NPAS2: variants seen among roughly 807,000 people sequenced by gnomAD.
NPAS2 encodes the protein neuronal PAS domain protein 2.
NPAS2 carries 23 observed loss-of-function variants against 107.5 expected under a neutral mutation model. The observed-to-expected ratio is 0.21, with a 90% CI of 0.15 to 0.30. The LOEUF (loss-of-function observed/expected upper bound fraction) is 0.30. Ranked by LOEUF, NPAS2 falls within the 10% of genes least tolerant of loss-of-function variation. NPAS2 has a pLI of 1.00. For missense variants in NPAS2, 756 were observed against 1,043.3 expected (o/e 0.72, Z 3.79); for synonymous variants, 403 against 417.5 (o/e 0.97, Z 0.42).
intron 2 of NPAS2, among the ~76,000 whole-genome samples, chr2:100,909,556 G>T (rs537316191): frequency 6.6e-6 from 1 of 152,324 alleles, no homozygotes; most frequent in South Asian, 2.1e-4. Flanking sequence ...CAGGCACAGT[G>T]CAGTGAGAAC....
chr2:100,852,637 C>T (rs1230090774), intron 1 of NPAS2, among the ~76,000 whole-genome samples: 1 of 152,096 alleles, frequency 6.6e-6, no homozygotes, highest in Non-Finnish European at 1.5e-5. Flanking sequence ...AATGAGACCA[C>T]TTGTGATGGA....
chr2:100,945,885 A>G (rs1674862730), intron 5 of NPAS2, among the ~76,000 whole-genome samples: 1 of 151,994 alleles, frequency 6.6e-6, no homozygotes, highest in Non-Finnish European at 1.5e-5. Context: ...TTCTCCGGGC[A>G]CCTTGTTTTA....
At position 100,827,042 on chromosome 2, in the gene NPAS2, G is replaced by A. The variant is rs146504324; in HGVS notation, c.-23+6628G>A. Among the ~76,000 whole-genome samples, 62 of 152,230 alleles carry A rather than the reference G, an allele frequency of 4.1e-4. 1 individual carries two copies. The East Asian group carries it at 8.7e-3, about 21-fold the overall frequency. ...GAGTGTATCGATGGTACATGAAGACGCAAAGGGAAATATTTGAAATAGAGG... is the reference window on the plus strand; with the variant it reads ...GAGTGTATCGATGGTACATGAAGACACAAAGGGAAATATTTGAAATAGAGG... On this transcript the variant is annotated intron_variant, in intron 1 of 20. Transcript: ENST00000335681.
intron 5 of NPAS2, among the ~76,000 whole-genome samples, chr2:100,940,651 C>T (rs2104995562): frequency 6.6e-6 from 1 of 152,300 alleles, no homozygotes; most frequent in South Asian, 2.1e-4. Flanking sequence ...CTATGAAGTA[C>T]ATAGTTACCC....
At chr2:100,843,799 TG>T (rs1253676621) in intron 1 of NPAS2, among the ~76,000 whole-genome samples, 1 of 152,160 alleles carries the variant, frequency 6.6e-6, no homozygotes, top group Non-Finnish European at 1.5e-5. Flanking sequence ...GAAAGGACTC[TG>T]GCATGAAGGA....
intron 2 of NPAS2, among the ~76,000 whole-genome samples, chr2:100,912,248 AT>A (rs756141975): frequency 0.14 from 16,758 of 117,962 alleles, 1,765 homozygotes; most frequent in Admixed American, 0.37. Context: ...TTATTTATTT[AT>A]TTATTTATTA....
chr2:100,960,256 T>C (rs1675839945), intron 7 of NPAS2, among the ~76,000 whole-genome samples: 4 of 152,014 alleles, frequency 2.6e-5, no homozygotes. Flanking sequence ...ACTGTTTTAA[T>C]AGAAAGACCA....
intron 1 of NPAS2, among the ~76,000 whole-genome samples, chr2:100,856,249 G>A (rs141531158): frequency 1.3e-5 from 2 of 152,342 alleles, no homozygotes; most frequent in African/African-American, 2.4e-5. Flanking sequence ...TAAGTGTCAC[G>A]TGTTTAATTC....
At position 100,995,320 on chromosome 2, in the gene NPAS2, A is replaced by G. The variant is rs1282092429; in HGVS notation, c.2293-80A>G. 5.4e-6 allele frequency: 7 copies of G among 1,291,592 alleles called. No individual in the cohort carries two copies. In the Admixed American group the frequency reaches 1.1e-4, roughly 19 times the overall value. The allele number at this position is 1,291,592 out of a possible 1,614,324, so 80.0% of individuals were successfully genotyped here. On this transcript the variant is annotated intron_variant, in intron 20 of 20. Transcript: ENST00000335681. ...CCTGTAGTCTAACTCAACCTGCAGC[A>G]TGCCCCGCACTGCCTTGTAAGACAG...
intron 4 of NPAS2, 39 bp from the exon 5 acceptor site, chr2:100,937,712 ACG>A: frequency 7.2e-7 from 1 of 1,397,408 alleles, no homozygotes; most frequent in East Asian, 2.3e-5. Flanking sequence ...TCCTCCATAA[ACG>A]CATTGCTAAG....
At chr2:100,962,362 G>C (rs567326815) in intron 7 of NPAS2, among the ~76,000 whole-genome samples, 1 of 152,286 alleles carries the variant, frequency 6.6e-6, no homozygotes, top group East Asian at 1.9e-4. Context: ...AAATCTTGCA[G>C]ATTTCATTTT....
chr2:100,844,997 C>T (rs971304626), intron 1 of NPAS2, among the ~76,000 whole-genome samples: 6 of 152,130 alleles, frequency 3.9e-5, no homozygotes, highest in Non-Finnish European at 7.4e-5. Flanking sequence ...TTGTGTTTGG[C>T]AGAGACTTAG....
Position 100,933,115 on chromosome 2 carries a change from G to C in NPAS2, c.273+114G>C, listed in dbSNP as rs569971818. 14 of 765,842 alleles carry C rather than the reference G, an allele frequency of 1.8e-5. No individual in the cohort carries two copies. The African/African-American group carries it at 2.1e-4, about 12-fold the overall frequency. The allele number at this position is 765,842 out of a possible 1,614,324, so 47.4% of individuals were successfully genotyped here. A position where few individuals can be genotyped will look rare whatever the true frequency, so the allele number is the denominator to read the frequency against. On this transcript the variant is annotated intron_variant, in intron 4 of 20. Transcript: ENST00000335681. ...ACTGTTCTTGATCCTGGGAAGACTT[G>C]ACTTTGAAACAGATACCTCCCTGAG...
intron 1 of NPAS2, among the ~76,000 whole-genome samples, chr2:100,832,689 C>G (rs1026436787): frequency 1.4e-5 from 2 of 148,140 alleles, no homozygotes; most frequent in African/African-American, 5.1e-5. Context: ...CCTGGATGGG[C>G]CCCTGCCTGG....
intron 7 of NPAS2, among the ~76,000 whole-genome samples, chr2:100,958,415 C>T (rs1038878314): frequency 6.6e-6 from 1 of 152,166 alleles, no homozygotes; most frequent in African/African-American, 2.4e-5. Context: ...GGAATGGAGA[C>T]GCGAGTGTGG....
intron 7 of NPAS2, among the ~76,000 whole-genome samples, chr2:100,963,492 G>A (rs150148416): frequency 0.035 from 5,325 of 152,102 alleles, 318 homozygotes; most frequent in African/African-American, 0.12. Flanking sequence ...TGCAACCTCC[G>A]CCTCCCAGGT....
chr2:100,908,238 A>G (rs1026287417), intron 2 of NPAS2, among the ~76,000 whole-genome samples: 3 of 152,132 alleles, frequency 2.0e-5, no homozygotes, highest in African/African-American at 4.8e-5. Flanking sequence ...TGCAGAAATT[A>G]AATGTAGCTG....
chr2:100,882,218 AG>A (rs1324003417), intron 1 of NPAS2, among the ~76,000 whole-genome samples: 3 of 152,170 alleles, frequency 2.0e-5, no homozygotes, highest in African/African-American at 7.2e-5. Context: ...TATCACCCCC[AG>A]GAAGGCGGCA....
At chr2:100,982,694 C>G (rs973215885) in intron 16 of NPAS2, 12 of 364,200 alleles carry the variant, frequency 3.3e-5, no homozygotes, top group Non-Finnish European at 6.1e-5. Flanking sequence ...CTGCCTCGGT[C>G]CTGGGTAGTA....
Sources: allele counts gnomAD v4.1 joint callset (sites outside exome capture counted in the v4.1 genomes callset), GRCh38; gene constraint gnomAD v4.1.1; transcripts MANE v1.5; gene names NCBI Gene and HGNC (gene_info 2026-07-23, HGNC 2026-07-21).